Variants in TUSC3 observed in about 807,000 individuals in gnomAD.
The protein encoded by TUSC3 is dolichyl-diphosphooligosaccharide--protein glycosyltransferase subunit TUSC3.
A neutral mutation model predicts 44.8 loss-of-function variants in TUSC3; 45 were observed. The ratio of observed to expected loss-of-function variants is 1.00; its 90% CI spans 0.79 to 1.29. The LOEUF (loss-of-function observed/expected upper bound fraction) is 1.29, where lower values mean the gene tolerates loss of function less well. Among genes scored for constraint, TUSC3 ranks in the 50% most tolerant of loss-of-function variants. The pLI is 0.00. For synonymous variants in TUSC3, 212 were observed against 152.9 expected (o/e 1.39, Z -2.85); for missense variants, 519 against 437.9 (o/e 1.19, Z -1.65).
intron 2 of TUSC3, among the ~76,000 whole-genome samples, chr8:15,634,292 A>T (rs1805963834): frequency 6.6e-6 from 1 of 152,122 alleles, no homozygotes; most frequent in African/African-American, 2.4e-5. Flanking sequence ...TGGCTGGTAG[A>T]CTTTGGTTCC....
chr8:15,437,878 A>C (rs890235841), intron 1 of TUSC3, among the ~76,000 whole-genome samples: 1 of 152,192 alleles, frequency 6.6e-6, no homozygotes, highest in African/African-American at 2.4e-5. Context: ...GTATAAAATG[A>C]ATGCACCCTG....
intron 6 of TUSC3, among the ~76,000 whole-genome samples, chr8:15,710,502 A>G (rs1458518785): frequency 6.9e-6 from 1 of 145,978 alleles, no homozygotes; most frequent in African/African-American, 2.5e-5. Context: ...AAGCAGATTC[A>G]TTGAATGGGC....
chr8:15,789,061 G>T, the TUSC3 span, among the ~76,000 whole-genome samples: 1 of 152,168 alleles, frequency 6.6e-6, no homozygotes, highest in African/African-American at 2.4e-5. Flanking sequence ...GCCATTTCAA[G>T]GAAACAGAAT....
At chr8:15,481,108 T>A (rs1212319485) in intron 1 of TUSC3, among the ~76,000 whole-genome samples, 4 of 151,796 alleles carry the variant, frequency 2.6e-5, no homozygotes, top group South Asian at 2.1e-4. Flanking sequence ...AATATCCCAG[T>A]GTGGTGGTGC....
At chr8:15,570,265 TACACACACACACACAC>T (rs3070896) in intron 1 of TUSC3, among the ~76,000 whole-genome samples, 14 of 148,060 alleles carry the variant, frequency 9.5e-5, no homozygotes, top group Non-Finnish European at 1.5e-4. Flanking sequence ...TAATGTATTT[TACACACACACACACAC>T]ACACACACAC....
chr8:15,671,072 G>A (rs534830363), intron 5 of TUSC3, among the ~76,000 whole-genome samples: 3 of 151,966 alleles, frequency 2.0e-5, no homozygotes, highest in South Asian at 4.1e-4. Context: ...TGGATCTCTC[G>A]TGTACTGTTA....
the TUSC3 span, among the ~76,000 whole-genome samples, chr8:15,847,689 G>C: frequency 6.6e-6 from 1 of 152,218 alleles, no homozygotes. Flanking sequence ...TAACTACTCT[G>C]AGTTCATGGT....
chr8:15,780,291 C>G, the TUSC3 span, among the ~76,000 whole-genome samples: 2 of 152,082 alleles, frequency 1.3e-5, no homozygotes. Context: ...CTGCACAATA[C>G]AGTTGGAAAG....
intron 6 of TUSC3, among the ~76,000 whole-genome samples, chr8:15,699,154 C>T (rs1809293006): frequency 6.6e-6 from 1 of 152,162 alleles, no homozygotes; most frequent in Admixed American, 6.6e-5. Flanking sequence ...CAGCCATCTT[C>T]AGCCTATTTT....
chr8:15,656,252 C>G (rs990925568), intron 3 of TUSC3, among the ~76,000 whole-genome samples: 3 of 152,094 alleles, frequency 2.0e-5, no homozygotes, highest in Admixed American at 1.3e-4. Flanking sequence ...AGTACCAACT[C>G]AAAATTCCAA....
the TUSC3 span, among the ~76,000 whole-genome samples, chr8:15,780,521 G>C: frequency 1.3e-5 from 2 of 152,186 alleles, no homozygotes; most frequent in African/African-American, 4.8e-5. Context: ...ATAGGGCAGA[G>C]AAAACTCAAA....
At chr8:15,592,831 C>T (rs1457966845) in intron 1 of TUSC3, among the ~76,000 whole-genome samples, 1 of 152,102 alleles carries the variant, frequency 6.6e-6, no homozygotes, top group African/African-American at 2.4e-5. Context: ...TACCCTTAAT[C>T]CTCATTTTAA....
intron 1 of TUSC3, among the ~76,000 whole-genome samples, chr8:15,422,163 AG>A (rs747677362): frequency 6.6e-6 from 1 of 152,180 alleles, no homozygotes; most frequent in Non-Finnish European, 1.5e-5. Flanking sequence ...ATCAATGAAA[AG>A]TTTACAGATA....
the TUSC3 span, among the ~76,000 whole-genome samples, chr8:15,827,261 A>C: frequency 6.6e-6 from 1 of 152,130 alleles, no homozygotes; most frequent in Non-Finnish European, 1.5e-5. Flanking sequence ...TTTGATTCTA[A>C]CTCATGTAAG....
chr8:15,456,471 A>G (rs914302240), intron 1 of TUSC3, among the ~76,000 whole-genome samples: 2 of 152,324 alleles, frequency 1.3e-5, no homozygotes, highest in Admixed American at 6.5e-5. Context: ...CTATGGAAGA[A>G]TAAGAAAAGA....
chr8:15,460,596 C>T lies in TUSC3; in HGVS notation n.92-22790C>T, dbSNP rs188042114. ...GCTTTTGGGTTCTTGGTCATAAAAT[C>T]CTTGACTAAGCCAATGTCTAGAAGG... On this transcript the variant is annotated intron_variant and non_coding_transcript_variant, in intron 1 of 5. Transcript: ENST00000503191. Among the ~76,000 whole-genome samples, 16 of 152,236 alleles carry T rather than the reference C, an allele frequency of 1.1e-4. No homozygotes were observed. The East Asian group carries it at 2.7e-3, about 26-fold the overall frequency.
chr8:15,686,213 T>A (rs1211696499), intron 6 of TUSC3, among the ~76,000 whole-genome samples: 2 of 152,160 alleles, frequency 1.3e-5, no homozygotes, highest in Admixed American at 1.3e-4. Context: ...AAACAATTTT[T>A]GTTGTTAAAA....
At chr8:15,734,861 A>T (rs1219202272) in intron 7 of TUSC3, among the ~76,000 whole-genome samples, 1 of 152,222 alleles carries the variant, frequency 6.6e-6, no homozygotes, top group African/African-American at 2.4e-5. Flanking sequence ...AGATAAATTC[A>T]TCAAGGCTGG....
At chr8:15,453,782 C>G (rs1269242643) in intron 1 of TUSC3, among the ~76,000 whole-genome samples, 2 of 152,114 alleles carry the variant, frequency 1.3e-5, no homozygotes, top group Non-Finnish European at 2.9e-5. Flanking sequence ...CTACCCACAA[C>G]CAGGAATGTC....
Sources: gnomAD v4.1 joint callset for allele counts (sites outside exome capture counted in the v4.1 genomes callset) on GRCh38, gnomAD v4.1.1 for gene constraint, MANE v1.5 for transcripts, NCBI Gene and HGNC (gene_info 2026-07-23, HGNC 2026-07-21) for gene names.